Variants in KCND2 observed in about 807,000 individuals in gnomAD.
KCND2 encodes A-type voltage-gated potassium channel KCND2.
KCND2 carries 16 observed loss-of-function variants against 54.4 expected under a neutral mutation model. The ratio of observed to expected loss-of-function variants is 0.29; its 90% CI spans 0.20 to 0.45. The LOEUF (loss-of-function observed/expected upper bound fraction) is 0.45, where lower values mean the gene tolerates loss of function less well. Among genes scored for constraint, KCND2 ranks in the 20% least tolerant of loss-of-function variants. The pLI, the probability that KCND2 is intolerant of heterozygous loss-of-function variation, is 1.00. For synonymous variants in KCND2, 317 were observed against 310.7 expected (o/e 1.02, Z -0.21); for missense variants, 486 against 824.2 (o/e 0.59, Z 5.02).
intron 1 of KCND2, among the ~76,000 whole-genome samples, chr7:120,434,847 G>A (rs1481293350): frequency 1.3e-5 from 2 of 151,776 alleles, no homozygotes; most frequent in Non-Finnish European, 2.9e-5. Flanking sequence ...TTCCAGGTGT[G>A]AGCTATTACC....
At chr7:120,715,673 A>G (rs745330321) in intron 1 of KCND2, among the ~76,000 whole-genome samples, 2 of 152,154 alleles carry the variant, frequency 1.3e-5, no homozygotes, top group African/African-American at 2.4e-5. Context: ...AGTACATCAC[A>G]CATATCATGA....
chr7:120,343,118 T>A (rs1800266078), intron 1 of KCND2, among the ~76,000 whole-genome samples: 1 of 151,892 alleles, frequency 6.6e-6, no homozygotes, highest in Admixed American at 6.6e-5. Context: ...GGTTTCAGAG[T>A]TATGTCTCAA....
At chr7:120,450,724 G>A (rs141377584) in intron 1 of KCND2, among the ~76,000 whole-genome samples, 2 of 152,246 alleles carry the variant, frequency 1.3e-5, no homozygotes, top group Admixed American at 6.5e-5. Context: ...ATTTAAAGGA[G>A]TAGGCTTTAG....
intron 1 of KCND2, among the ~76,000 whole-genome samples, chr7:120,433,107 G>A (rs936617302): frequency 1.3e-5 from 2 of 152,084 alleles, no homozygotes; most frequent in South Asian, 4.1e-4. Context: ...GTTGAAAAAG[G>A]TACAATAATC....
chr7:120,280,683 A>G (rs1442347012), intron 1 of KCND2, among the ~76,000 whole-genome samples: 1 of 152,026 alleles, frequency 6.6e-6, no homozygotes, highest in African/African-American at 2.4e-5. Flanking sequence ...AAAATTAATA[A>G]TTTTGTTCAT....
At position 120,591,914 on chromosome 7, in the gene KCND2, A is replaced by G. The variant is rs916936665; in HGVS notation, c.1116-140989A>G. Among the ~76,000 whole-genome samples the G allele has an allele frequency of 3.3e-5, 5 of 152,248 alleles. No individual in the cohort carries two copies. In the East Asian group the frequency reaches 7.7e-4, roughly 23 times the overall value. ...AAACCTATTTCATTAAGTAAAAAATATGTACACTATGTGCAAATGGTTTTA... is the reference window on the plus strand; with the variant it reads ...AAACCTATTTCATTAAGTAAAAAATGTGTACACTATGTGCAAATGGTTTTA... On this transcript the variant is annotated intron_variant, in intron 1 of 5. Transcript: ENST00000331113.
chr7:120,740,693 G>A (rs1792928985), intron 2 of KCND2, among the ~76,000 whole-genome samples: 1 of 152,050 alleles, frequency 6.6e-6, no homozygotes. Context: ...AATTGAACTG[G>A]CCACCTAAAC....
At chr7:120,369,744 A>C (rs1800740001) in intron 1 of KCND2, among the ~76,000 whole-genome samples, 1 of 152,032 alleles carries the variant, frequency 6.6e-6, no homozygotes, top group Non-Finnish European at 1.5e-5. Context: ...AAGCTTTCAC[A>C]GTATGCTCAA....
chr7:120,683,478 A>G (rs1400280932), intron 1 of KCND2, among the ~76,000 whole-genome samples: 2 of 152,206 alleles, frequency 1.3e-5, no homozygotes, highest in Non-Finnish European at 1.5e-5. Flanking sequence ...TAGCATTTCT[A>G]TAGTCTGTGC....
At chr7:120,546,458 A>C (rs1350882808) in intron 1 of KCND2, among the ~76,000 whole-genome samples, 1 of 151,950 alleles carries the variant, frequency 6.6e-6, no homozygotes, top group African/African-American at 2.4e-5. Context: ...AAGAGAAGGA[A>C]GTCTCACTTA....
chr7:120,661,505 C>T (rs1791865525), intron 1 of KCND2, among the ~76,000 whole-genome samples: 1 of 151,962 alleles, frequency 6.6e-6, no homozygotes, highest in Admixed American at 6.6e-5. Flanking sequence ...AAAAAATTAG[C>T]CAGGCATGGT....
At chr7:120,468,521 T>G (rs1375956188) in intron 1 of KCND2, among the ~76,000 whole-genome samples, 2 of 152,046 alleles carry the variant, frequency 1.3e-5, no homozygotes, top group Non-Finnish European at 1.5e-5. Flanking sequence ...TGCACAAAAC[T>G]CCCAAATTTA....
chr7:120,584,751 C>A (rs566557865), intron 1 of KCND2, among the ~76,000 whole-genome samples: 4 of 152,356 alleles, frequency 2.6e-5, no homozygotes, highest in African/African-American at 9.6e-5. Context: ...CGTGCTCACG[C>A]ACACACACGC....
At chr7:120,387,463 A>C (rs943882683) in intron 1 of KCND2, among the ~76,000 whole-genome samples, 4 of 152,012 alleles carry the variant, frequency 2.6e-5, no homozygotes, top group Admixed American at 1.3e-4. Context: ...GACTATATTT[A>C]TTGCCTATAT....
At chr7:120,343,326 A>G (rs1211287950) in intron 1 of KCND2, among the ~76,000 whole-genome samples, 1 of 152,120 alleles carries the variant, frequency 6.6e-6, no homozygotes, top group Non-Finnish European at 1.5e-5. Context: ...CAGAAGTTAT[A>G]TATGGACTCT....
intron 1 of KCND2, among the ~76,000 whole-genome samples, chr7:120,644,084 T>C (rs975704852): frequency 2.6e-5 from 4 of 152,118 alleles, no homozygotes; most frequent in African/African-American, 9.7e-5. Context: ...TATCCCATTC[T>C]CATTCATAAG....
At chr7:120,598,177 G>T (rs937105456) in intron 1 of KCND2, among the ~76,000 whole-genome samples, 2 of 151,802 alleles carry the variant, frequency 1.3e-5, no homozygotes, top group Admixed American at 6.6e-5. Context: ...ATGAGGAAAA[G>T]TCAATTCATT....
chr7:120,395,507 AG>A (rs981160726), intron 1 of KCND2, among the ~76,000 whole-genome samples: 10 of 152,168 alleles, frequency 6.6e-5, no homozygotes, highest in African/African-American at 2.4e-4. Flanking sequence ...TGGCTTCACC[AG>A]GAGATAATTC....
rs1800157168 is a variant in KCND2 at position 120,336,719 on chromosome 7, G to A, written c.1115+60972G>A. Among the ~76,000 whole-genome samples, 3 of 150,874 alleles carry A rather than the reference G, an allele frequency of 2.0e-5. No homozygotes were observed. The South Asian group carries it at 6.3e-4, about 32-fold the overall frequency. On this transcript the variant is annotated intron_variant, in intron 1 of 5. Coordinates refer to ENST00000331113, the MANE Select transcript of KCND2 (RefSeq NM_012281.3). The stretch of plus-strand genomic sequence containing the variant: ...AATGGTAGAAGCCCAAAAGAGATGA[G>A]AAAAAAAAATCACTTTTATGTGTAC...
Sources: allele counts gnomAD v4.1 joint callset (sites outside exome capture counted in the v4.1 genomes callset), GRCh38; gene constraint gnomAD v4.1.1; transcripts MANE v1.5; gene names NCBI Gene and HGNC (gene_info 2026-07-23, HGNC 2026-07-21).